Variants in GPM6A observed in about 807,000 individuals in gnomAD.
The protein encoded by GPM6A is glycoprotein M6A, also known as neuronal membrane glycoprotein M6-a.
Under a neutral mutation model 32.1 loss-of-function variants are expected in GPM6A, and 7 were observed. That is an observed-to-expected ratio of 0.22 (90% CI 0.12 to 0.41). The LOEUF (loss-of-function observed/expected upper bound fraction) is 0.41, where lower values mean the gene tolerates loss of function less well. Ranked by LOEUF, GPM6A falls within the 10% of genes least tolerant of loss-of-function variation. The pLI, the probability that GPM6A is intolerant of heterozygous loss-of-function variation, is 1.00. For missense variants in GPM6A, 235 were observed against 347.2 expected (o/e 0.68, Z 2.57); for synonymous variants, 130 against 123.4 (o/e 1.05, Z -0.35).
chr4:175,635,140 A>T, intron 6 of GPM6A, 83 bp from the exon 7 acceptor site: 2 of 979,078 alleles, frequency 2.0e-6, no homozygotes, highest in Non-Finnish European at 3.1e-6. Context: ...AAGTCTTCGA[A>T]TTATAGCTCT....
intron 1 of GPM6A, among the ~76,000 whole-genome samples, chr4:175,871,161 A>C (rs991832811): frequency 7.9e-5 from 12 of 151,838 alleles, no homozygotes; most frequent in Non-Finnish European, 2.9e-5. Flanking sequence ...AAATTTTGGA[A>C]TTTTTGTCTT....
chr4:175,778,001 A>T (rs959596775), intron 1 of GPM6A, among the ~76,000 whole-genome samples: 1 of 152,212 alleles, frequency 6.6e-6, no homozygotes, highest in African/African-American at 2.4e-5. Flanking sequence ...CTACTTTTTT[A>T]GAATTTATCA....
At chr4:175,826,176 CA>C (rs1025034130) in intron 1 of GPM6A, among the ~76,000 whole-genome samples, 3 of 146,232 alleles carry the variant, frequency 2.1e-5, no homozygotes, top group African/African-American at 8.3e-5. Context: ...AACAAACAAA[CA>C]AAAAAACTGT....
intron 1 of GPM6A, among the ~76,000 whole-genome samples, chr4:175,918,951 T>A (rs963638957): frequency 2.0e-5 from 3 of 151,956 alleles, no homozygotes; most frequent in Admixed American, 1.3e-4. Flanking sequence ...TATATTTAAA[T>A]AATATGGAGA....
intron 1 of GPM6A, among the ~76,000 whole-genome samples, chr4:175,768,650 G>T (rs1045054860): frequency 6.6e-6 from 1 of 151,988 alleles, no homozygotes; most frequent in Non-Finnish European, 1.5e-5. Context: ...TATAAGAGTA[G>T]TTTATGCATT....
At chr4:175,952,964 A>G (rs1475002495) in intron 1 of GPM6A, among the ~76,000 whole-genome samples, 2 of 151,054 alleles carry the variant, frequency 1.3e-5, no homozygotes, top group African/African-American at 4.9e-5. Flanking sequence ...CAGTGGGTAG[A>G]GGCTGCAGTG....
At chr4:175,835,337 C>G (rs979888750) in intron 1 of GPM6A, among the ~76,000 whole-genome samples, 1 of 152,090 alleles carries the variant, frequency 6.6e-6, no homozygotes, top group African/African-American at 2.4e-5. Context: ...CTTACCTCTT[C>G]AAGAATATGG....
intron 1 of GPM6A, among the ~76,000 whole-genome samples, chr4:175,749,715 G>A (rs879866677): frequency 1.8e-4 from 27 of 152,216 alleles, no homozygotes; most frequent in African/African-American, 6.0e-4. Context: ...TGTAAAAAGC[G>A]ATGGATGTCA....
chr4:175,664,299 A>T (rs2110955733), intron 3 of GPM6A, among the ~76,000 whole-genome samples: 1 of 152,302 alleles, frequency 6.6e-6, no homozygotes, highest in South Asian at 2.1e-4. Context: ...AACCCATAGA[A>T]TGTACAACAC....
chr4:175,874,319 A>G (rs2111444451), intron 1 of GPM6A, among the ~76,000 whole-genome samples: 1 of 152,338 alleles, frequency 6.6e-6, no homozygotes, highest in East Asian at 1.9e-4. Flanking sequence ...AGTCAGAGAC[A>G]TTTTAAAAAT....
intron 1 of GPM6A, among the ~76,000 whole-genome samples, chr4:175,904,118 T>C (rs1172857762): frequency 6.6e-6 from 1 of 152,074 alleles, no homozygotes; most frequent in African/African-American, 2.4e-5. Context: ...TTCAAAAATA[T>C]AAGTAATGGG....
At chr4:175,664,323 T>C (rs762028091) in intron 3 of GPM6A, among the ~76,000 whole-genome samples, 4 of 152,152 alleles carry the variant, frequency 2.6e-5, no homozygotes, top group African/African-American at 9.7e-5. Context: ...GAATAAACCC[T>C]GATTTAAACT....
intron 1 of GPM6A, among the ~76,000 whole-genome samples, chr4:175,925,230 T>G (rs7677770): frequency 6.6e-6 from 1 of 152,178 alleles, no homozygotes; most frequent in African/African-American, 2.4e-5. Context: ...TGGAAATGGG[T>G]GTTTACACAT....
chr4:175,698,198 T>C (rs1196686569), intron 2 of GPM6A, among the ~76,000 whole-genome samples: 1 of 152,192 alleles, frequency 6.6e-6, no homozygotes, highest in Non-Finnish European at 1.5e-5. Flanking sequence ...CAACTGGAAC[T>C]GGTTTTATCT....
At chr4:175,868,002 T>C (rs969768042) in intron 1 of GPM6A, among the ~76,000 whole-genome samples, 2 of 152,222 alleles carry the variant, frequency 1.3e-5, no homozygotes, top group Non-Finnish European at 2.9e-5. Flanking sequence ...ATATTTACTG[T>C]GGGAACCAGG....
chr4:175,733,029 A>G (rs1455889441), intron 1 of GPM6A, among the ~76,000 whole-genome samples: 2 of 152,200 alleles, frequency 1.3e-5, no homozygotes, highest in African/African-American at 4.8e-5. Flanking sequence ...TTAGGGACAG[A>G]CAATATAATA....
chr4:175,944,563 A>T (rs1363821316), intron 1 of GPM6A, among the ~76,000 whole-genome samples: 1 of 152,232 alleles, frequency 6.6e-6, no homozygotes, highest in East Asian at 1.9e-4. Flanking sequence ...GAACAGACAC[A>T]GATTATTACC....
In GPM6A at chr4:175,637,578, ATAAAATATATTATATATTATG is replaced by A. The variant is rs1257265755; in HGVS notation, c.684+2530_685-2522del. On this transcript the variant is annotated intron_variant, in intron 6 of 6. Coordinates refer to ENST00000393658, the MANE Select transcript of GPM6A (RefSeq NM_201591.3). The stretch of plus-strand genomic sequence containing the variant: ...TATATAAAAATATATTATATATTAT[ATAAAATATATTATATATTATG>A]TAAAATATATAATATATAATATATA... Among the ~76,000 whole-genome samples the A allele has an allele frequency of 1.5e-4, 3 of 19,568 alleles. No homozygotes were observed. The East Asian group carries it at 8.2e-3, about 53-fold the overall frequency. The allele number at this position is 19,568 out of a possible 152,430, so 12.8% of individuals were successfully genotyped here. A position where few individuals can be genotyped will look rare whatever the true frequency, so the allele number is the denominator to read the frequency against.
At chr4:175,709,061 C>A (rs1745380585) in intron 1 of GPM6A, among the ~76,000 whole-genome samples, 1 of 152,158 alleles carries the variant, frequency 6.6e-6, no homozygotes, top group Non-Finnish European at 1.5e-5. Flanking sequence ...TTGCTAAATT[C>A]AATTTCTGTA....
Sources: allele counts gnomAD v4.1 joint callset (sites outside exome capture counted in the v4.1 genomes callset), GRCh38; gene constraint gnomAD v4.1.1; transcripts MANE v1.5; gene names NCBI Gene and HGNC (gene_info 2026-07-23, HGNC 2026-07-21).